ASXL2: variants seen among roughly 807,000 people sequenced by gnomAD.
ASXL2 encodes putative Polycomb group protein ASXL2.
Under a neutral mutation model 122.0 loss-of-function variants are expected in ASXL2, and 23 were observed. The observed-to-expected ratio is 0.19, with a 90% CI of 0.14 to 0.27. ASXL2 has a LOEUF of 0.27. ASXL2 is among the 10% of genes least tolerant of loss of function. The probability of loss-of-function intolerance (pLI) is 1.00; values close to 1 mark genes in which losing one functional copy is unlikely to be tolerated. For synonymous variants in ASXL2, 650 were observed against 637.0 expected, an observed-to-expected ratio of 1.02 and a Z score of -0.31; for missense variants, 1,518 against 1,713.8, an observed-to-expected ratio of 0.89 and a Z score of 2.02.
chr2:25,878,266 G>A lies in ASXL2; in HGVS notation c.-44C>T. 1.2e-6 allele frequency: 2 copies of A among 1,605,746 alleles called. No individual in the cohort carries two copies. The highest frequency in any genetic ancestry group is 1.7e-6 in the Non-Finnish European group (2 of 1,173,196). On this transcript the variant is annotated 5_prime_UTR_variant, in exon 1 of 13. Coordinates refer to ENST00000435504, the MANE Select transcript of ASXL2 (RefSeq NM_018263.6). ...TGGGAGGCTCCCGTGTCCGGGCTCC[G>A]GCCGCCCTCCCTGCCTGCTCTGCCC...
In ASXL2 at chr2:25,741,603, C is replaced by T. The variant is rs2087828159; in HGVS notation, c.*426G>A. On this transcript the variant is annotated 3_prime_UTR_variant, in exon 13 of 13. Transcript: ENST00000435504. ...TGAATGGTCATTTCTTTAGACCATT[C>T]CTTCACTTTCCTTTTCCTAGCTTCC... is the stretch of plus-strand genomic sequence containing the variant. The T allele has an allele frequency of 4.0e-6, 1 of 250,298 alleles. No homozygotes were observed. Among genetic ancestry groups the T allele is most frequent in the East Asian group, 5.7e-5 (1 of 17,632 alleles). 15.5% of individuals were successfully genotyped at this position (250,298 alleles called of 1,614,324 possible).
intron 3 of ASXL2, among the ~76,000 whole-genome samples, chr2:25,819,703 G>T (rs939635033): frequency 2.0e-5 from 3 of 152,176 alleles, no homozygotes; most frequent in African/African-American, 7.2e-5. Context: ...GATTAAAGAA[G>T]AGTAAAGATA....
rs1383765151 is a variant in ASXL2, at chr2:25,842,751, TGTGTGTGC to T, written c.140+2722_140+2729del. Among the ~76,000 whole-genome samples, 5 of 148,790 alleles carry T rather than the reference TGTGTGTGC, an allele frequency of 3.4e-5. No homozygotes were observed. The Admixed American group carries it at 3.4e-4, about 10-fold the overall frequency. ...GTATATATCTATATATATGTATGTA[TGTGTGTGC>T]GTGTGTGCACGTGTGTGTGTGTGTG... On this transcript the variant is annotated intron_variant, in intron 2 of 12. Transcript: ENST00000435504.
chr2:25,849,254 A>G (rs1308690489), intron 1 of ASXL2, among the ~76,000 whole-genome samples: 1 of 150,376 alleles, frequency 6.6e-6, no homozygotes, highest in African/African-American at 2.4e-5. Context: ...CCTGGCCAAC[A>G]TGGAGATTCC....
At chr2:25,813,910 C>T (rs562692135) in intron 3 of ASXL2, among the ~76,000 whole-genome samples, 2 of 152,052 alleles carry the variant, frequency 1.3e-5, no homozygotes, top group Non-Finnish European at 1.5e-5. Flanking sequence ...ATTAGCCGGG[C>T]GTGATGGCGG....
chr2:25,822,679 G>A, intron 3 of ASXL2: 1 of 693,384 alleles, frequency 1.4e-6, no homozygotes. Flanking sequence ...AAAACGGACA[G>A]ATCAATTGTA....
chr2:25,797,221 T>A (rs764100646), intron 5 of ASXL2, among the ~76,000 whole-genome samples: 4 of 151,406 alleles, frequency 2.6e-5, no homozygotes, highest in Non-Finnish European at 5.9e-5. Flanking sequence ...CCAAGGCGGG[T>A]GGATCACGAG....
At chr2:25,764,421 G>A (rs1483362011) in intron 8 of ASXL2, among the ~76,000 whole-genome samples, 2 of 151,984 alleles carry the variant, frequency 1.3e-5, no homozygotes. Flanking sequence ...ACTAACTAAT[G>A]AGCTATAACA....
In ASXL2 at chr2:25,759,617, G is replaced by C. The variant is rs2149146651; in HGVS notation, c.804C>G (p.Asp268Glu). Residue 268 changes from aspartate to glutamate, a missense_variant, in exon 9 of 13, where the codon GAC (aspartate) becomes GAG (glutamate). By Grantham distance (45) the Asp-to-Glu change is conservative. This residue lies in a region of ASXL2 where 198 missense variants were observed against 209.0 expected (regional missense o/e 0.95). Transcript: ENST00000435504. ...TGGAGTCCGGTGTCTCAACGTCAAT[G>C]TCAGCACATTTAGTTCTTTTCATTT... The part of the protein sequence containing the change: ...TRQMKRTKCA[D>E]IDVETPDSIL... The C allele has an allele frequency of 1.2e-6, 2 of 1,613,296 alleles. No individual in the cohort carries two copies. The highest frequency in any genetic ancestry group is 1.7e-6 in the Non-Finnish European group (2 of 1,179,448).
intron 1 of ASXL2, among the ~76,000 whole-genome samples, chr2:25,875,258 G>A (rs1453184427): frequency 6.6e-6 from 1 of 152,090 alleles, no homozygotes; most frequent in East Asian, 1.9e-4. Flanking sequence ...TGGAGCCAGT[G>A]TATATATTTA....
At chr2:25,818,872 G>A (rs1353985129) in intron 3 of ASXL2, among the ~76,000 whole-genome samples, 1 of 152,142 alleles carries the variant, frequency 6.6e-6, no homozygotes, top group African/African-American at 2.4e-5. Context: ...TTCCCCTGTA[G>A]TGTGGGTAGG....
chr2:25,764,664 A>G lies in ASXL2; in HGVS notation c.775+2919T>C, dbSNP rs188493185. Among the ~76,000 whole-genome samples the G allele has an allele frequency of 1.1e-4, 16 of 152,284 alleles. No homozygotes were observed. The East Asian group carries it at 3.1e-3, about 29-fold the overall frequency. ...CAATGTTTGTATTAATATAAACAATATTTGTATTAATATAAACAATGTTGC... is the reference window on the plus strand; with the variant it reads ...CAATGTTTGTATTAATATAAACAATGTTTGTATTAATATAAACAATGTTGC... On this transcript the variant is annotated intron_variant, in intron 8 of 12. Coordinates refer to ENST00000435504, the MANE Select transcript of ASXL2 (RefSeq NM_018263.6).
intron 1 of ASXL2, among the ~76,000 whole-genome samples, chr2:25,845,989 T>G (rs1398505166): frequency 6.6e-6 from 1 of 152,178 alleles, no homozygotes; most frequent in Non-Finnish European, 1.5e-5. Flanking sequence ...CCGAAAATGG[T>G]AGCAGGTGGC....
chr2:25,774,179 A>T (rs1574409400), intron 5 of ASXL2, among the ~76,000 whole-genome samples: 1 of 152,202 alleles, frequency 6.6e-6, no homozygotes, highest in East Asian at 1.9e-4. Context: ...CCTGGGTGAC[A>T]AAGTATTCTG....
At chr2:25,869,840 A>T (rs546167240) in intron 1 of ASXL2, among the ~76,000 whole-genome samples, 3 of 151,924 alleles carry the variant, frequency 2.0e-5, no homozygotes, top group Non-Finnish European at 4.4e-5. Context: ...AAAAAATTAT[A>T]AATTACCTGT....
chr2:25,737,633 C>T lies in ASXL2; in HGVS notation c.*4396G>A, dbSNP rs1266247147. 1 of 152,178 alleles carries T rather than the reference C, an allele frequency of 6.6e-6. No homozygotes were observed. The highest frequency in any genetic ancestry group is 2.4e-5 in the African/African-American group (1 of 41,434). 9.4% of individuals were successfully genotyped at this position (152,178 alleles called of 1,614,324 possible). The stretch of plus-strand genomic sequence containing the variant: ...AGTAACTGAGGACTCTTACCCACGC[C>T]ACTCTCAGATGTATGTTAAACCTCA... On this transcript the variant is annotated 3_prime_UTR_variant, in exon 13 of 13. Transcript: ENST00000435504.
chr2:25,822,144 G>A (rs1225088289), intron 3 of ASXL2, among the ~76,000 whole-genome samples: 1 of 152,018 alleles, frequency 6.6e-6, no homozygotes, highest in African/African-American at 2.4e-5. Flanking sequence ...GATAATAAAA[G>A]GTAAAAGAAA....
At chr2:25,810,501 C>T in intron 3 of ASXL2, 1 of 744,546 alleles carries the variant, frequency 1.3e-6, no homozygotes, top group Non-Finnish European at 2.4e-6. Flanking sequence ...TCCTATGGTT[C>T]AAGGAGGCCA....
At chr2:25,802,151 C>T (rs367923663) in intron 4 of ASXL2, among the ~76,000 whole-genome samples, 13 of 152,346 alleles carry the variant, frequency 8.5e-5, no homozygotes, top group African/African-American at 3.1e-4. Context: ...TACTACTTAT[C>T]TGACAAAGTC....
Sources: gnomAD v4.1 joint callset for allele counts (sites outside exome capture counted in the v4.1 genomes callset) on GRCh38, gnomAD v4.1.1 for gene constraint, gnomAD v4.1.1 regional missense constraint, MANE v1.5 for transcripts, NCBI Gene and HGNC (gene_info 2026-07-23, HGNC 2026-07-21) for gene names.